The following PANX1 variants were observed in gnomAD, a reference collection of about 807,000 sequenced individuals.
The protein encoded by PANX1 is pannexin-1.
A neutral mutation model predicts 38.7 loss-of-function variants in PANX1; 30 were observed. The observed-to-expected ratio is 0.78, with a 90% CI of 0.58 to 1.05. The LOEUF (loss-of-function observed/expected upper bound fraction) is 1.05. Among genes scored for constraint, PANX1 ranks in the 50% least tolerant of loss-of-function variants. PANX1 has a pLI of 0.00. For synonymous variants in PANX1, 230 were observed against 212.2 expected, an observed-to-expected ratio of 1.08 and a Z score of -0.73; for missense variants, 551 against 517.2, an observed-to-expected ratio of 1.07 and a Z score of -0.63.
At chr11:94,133,590 T>G (rs1331040053) in intron 1 of PANX1, among the ~76,000 whole-genome samples, 1 of 152,202 alleles carries the variant, frequency 6.6e-6, no homozygotes, top group Non-Finnish European at 1.5e-5. Flanking sequence ...AACTAAAATG[T>G]GCACCTGTCT....
intron 2 of PANX1, among the ~76,000 whole-genome samples, chr11:94,156,778 A>G (rs1946953551): frequency 6.7e-6 from 1 of 149,458 alleles, no homozygotes; most frequent in African/African-American, 2.5e-5. Flanking sequence ...CACAACATGC[A>G]GGTTTGTTAC....
rs1445475252 is a variant in PANX1 at position 94,129,429 on chromosome 11, G to A, written c.117G>A (p.Thr39=). 8 of 1,613,980 alleles carry A rather than the reference G, an allele frequency of 5.0e-6. No homozygotes were observed. The highest frequency in any genetic ancestry group is 6.8e-6 in the Non-Finnish European group (8 of 1,179,918). Residue 39 remains threonine (T), a synonymous_variant, in exon 1 of 5, where the codon ACG becomes ACA. Coordinates refer to ENST00000227638, the MANE Select transcript of PANX1 (RefSeq NM_015368.4). ...AGCTGGCTGTGGACAAGATGGTCAC[G>A]TGCATTGCGGTGGGGCTGCCCCTGC... ...RLELAVDKMV[T]CIAVGLPLLL...
At chr11:94,156,958 T>G (rs1005054521) in intron 2 of PANX1, among the ~76,000 whole-genome samples, 2 of 151,956 alleles carry the variant, frequency 1.3e-5, no homozygotes, top group Admixed American at 6.6e-5. Flanking sequence ...TTCCCAACTA[T>G]GAGCAAGAAC....
chr11:94,129,065 C>T lies in PANX1; in HGVS notation c.-248C>T. 2 of 392,598 alleles carry T rather than the reference C, an allele frequency of 5.1e-6. No individual in the cohort carries two copies. Among genetic ancestry groups the T allele is most frequent in the Non-Finnish European group, 9.0e-6 (2 of 221,058 alleles). The allele number at this position is 392,598 out of a possible 1,614,324, so 24.3% of individuals were successfully genotyped here. A position where few individuals can be genotyped will look rare whatever the true frequency, so the allele number is the denominator to read the frequency against. On this transcript the variant is annotated 5_prime_UTR_variant, in exon 1 of 5. Transcript: ENST00000227638. Reference sequence around the variant, plus strand: ...CTTGCACGGGCGTGCGGGGTGGAACCGCAGGAAGCGGAGCTCTCGGGTTCC... The same window carrying T: ...CTTGCACGGGCGTGCGGGGTGGAACTGCAGGAAGCGGAGCTCTCGGGTTCC...
intron 2 of PANX1, among the ~76,000 whole-genome samples, chr11:94,162,945 C>T (rs1947063706): frequency 7.1e-6 from 1 of 140,942 alleles, no homozygotes; most frequent in African/African-American, 2.7e-5. Context: ...AAACATGGCT[C>T]ACTGCAGCCT....
Position 94,129,295 on chromosome 11 carries a change from G to A in PANX1, c.-18G>A. 6.3e-7 allele frequency: 1 copy of A among 1,596,124 alleles called. No homozygotes were observed. Among genetic ancestry groups the A allele is most frequent in the Non-Finnish European group, 8.6e-7 (1 of 1,166,714 alleles). On this transcript the variant is annotated 5_prime_UTR_variant, in exon 1 of 5. Transcript: ENST00000227638. ...GGCTGTACCCGGACCTCCTGGTCGA[G>A]CCTGGCGCGCCGCAGCCATGGCCAT...
chr11:94,172,296 C>G (rs1323348042), intron 2 of PANX1, among the ~76,000 whole-genome samples: 2 of 143,902 alleles, frequency 1.4e-5, no homozygotes, highest in Non-Finnish European at 3.1e-5. Context: ...GTGGGCACCA[C>G]CCATCTACAC....
In PANX1 at chr11:94,179,811, T is replaced by A. The variant is rs745762590; in HGVS notation, c.755T>A (p.Ile252Asn). The change falls in exon 4 of 5, where the codon ATC (isoleucine) becomes AAC (asparagine). Residue 252 changes from isoleucine (I) to asparagine (N), a missense_variant. Coordinates refer to ENST00000227638, the MANE Select transcript of PANX1 (RefSeq NM_015368.4). The part of the protein sequence containing the change: ...DEFVCSIKSG[I>N]LRNDSTVPDQ... ...TTTGTGTGCAGCATCAAATCAGGGA[T>A]CCTGAGAAACGACAGCACCGTGCCC... The A allele has an allele frequency of 6.2e-7, 1 of 1,614,154 alleles. No individual in the cohort carries two copies. The highest frequency in any genetic ancestry group is 8.5e-7 in the Non-Finnish European group (1 of 1,180,014).
At chr11:94,173,866 T>C (rs1246353955) in intron 2 of PANX1, among the ~76,000 whole-genome samples, 2 of 151,824 alleles carry the variant, frequency 1.3e-5, no homozygotes, top group African/African-American at 4.9e-5. Flanking sequence ...CTAGATCTGC[T>C]ATAACAAATT....
chr11:94,173,314 A>T (rs975511050), intron 2 of PANX1, among the ~76,000 whole-genome samples: 2 of 151,498 alleles, frequency 1.3e-5, no homozygotes. Flanking sequence ...TTCTCCTTGG[A>T]TGATCTTAAC....
Position 94,180,189 on chromosome 11 carries a change from T to C in PANX1, c.1133T>C (p.Val378Ala), listed in dbSNP as rs148324299. The part of the protein sequence containing the change: ...TNLGMIKMDV[V>A]DGKTPMSAEM... ...CTTGGCATGATCAAGATGGATGTTG[T>C]TGATGGCAAAACTCCCATGTCTGCA... Residue 378 changes from valine to alanine, a missense_variant, in exon 4 of 5, where the codon GTT (valine) becomes GCT (alanine). Physicochemically the swap from Val to Ala is moderately conservative, Grantham distance 64 (BLOSUM62 0). Coordinates refer to ENST00000227638, the MANE Select transcript of PANX1 (RefSeq NM_015368.4). 1.6e-4 allele frequency: 251 copies of C among 1,613,878 alleles called. No homozygotes were observed. The East Asian group carries it at 4.1e-3, about 27-fold the overall frequency.
intron 2 of PANX1, among the ~76,000 whole-genome samples, chr11:94,173,567 C>T (rs760552727): frequency 1.3e-5 from 2 of 151,520 alleles, no homozygotes; most frequent in Non-Finnish European, 2.9e-5. Flanking sequence ...GAGCTACACA[C>T]CCGGCGTGAT....
intron 2 of PANX1, among the ~76,000 whole-genome samples, chr11:94,160,374 G>A (rs746006557): frequency 3.3e-5 from 5 of 152,112 alleles, no homozygotes; most frequent in African/African-American, 1.2e-4. Context: ...CTCTTTGTAG[G>A]TCTCTAAGGA....
chr11:94,159,737 C>A lies in PANX1; in HGVS notation c.321+6107C>A, dbSNP rs544267181. Among the ~76,000 whole-genome samples the A allele has an allele frequency of 7.9e-5, 12 of 151,818 alleles. No homozygotes were observed. The South Asian group carries it at 2.5e-3, about 32-fold the overall frequency. On this transcript the variant is annotated intron_variant, in intron 2 of 4. Coordinates refer to ENST00000227638, the MANE Select transcript of PANX1 (RefSeq NM_015368.4). ...TGTGTCTCTATTTCCTTCAGTTCTGCCCTGATGTTAGTTATTTCTTGCCTT... is the reference window on the plus strand; with the variant it reads ...TGTGTCTCTATTTCCTTCAGTTCTGACCTGATGTTAGTTATTTCTTGCCTT...
chr11:94,162,713 G>T (rs1591519658), intron 2 of PANX1, among the ~76,000 whole-genome samples: 1 of 152,090 alleles, frequency 6.6e-6, no homozygotes, highest in African/African-American at 2.4e-5. Context: ...TGGGTGCGCG[G>T]CACCCACTGT....
At chr11:94,175,153 A>G (rs1053376939) in intron 2 of PANX1, among the ~76,000 whole-genome samples, 7 of 151,824 alleles carry the variant, frequency 4.6e-5, no homozygotes, top group African/African-American at 1.7e-4. Context: ...CAGCTTTTCC[A>G]TATTTCTTAT....
chr11:94,132,173 T>C (rs926585741), intron 1 of PANX1, among the ~76,000 whole-genome samples: 1 of 152,152 alleles, frequency 6.6e-6, no homozygotes, highest in Non-Finnish European at 1.5e-5. Flanking sequence ...ACCTTGCTAA[T>C]TGATTGTTAT....
intron 2 of PANX1, among the ~76,000 whole-genome samples, chr11:94,172,218 A>C (rs1455906303): frequency 1.3e-5 from 2 of 151,486 alleles, no homozygotes; most frequent in African/African-American, 2.4e-5. Context: ...TTCTGTGGTT[A>C]AGGTCAGGAA....
intron 2 of PANX1, among the ~76,000 whole-genome samples, chr11:94,156,108 A>C (rs1377820627): frequency 6.6e-6 from 1 of 152,180 alleles, no homozygotes; most frequent in African/African-American, 2.4e-5. Context: ...TTAGAGCAAG[A>C]ATAAACTGAA....
Sources: allele counts gnomAD v4.1 joint callset (sites outside exome capture counted in the v4.1 genomes callset), GRCh38; gene constraint gnomAD v4.1.1; transcripts MANE v1.5; gene names NCBI Gene and HGNC (gene_info 2026-07-23, HGNC 2026-07-21).